GBP2: variants seen among roughly 807,000 people sequenced by gnomAD.
GBP2 encodes the protein guanylate binding protein 2.
GBP2 carries 54 observed loss-of-function variants against 60.8 expected under a neutral mutation model. The observed-to-expected ratio is 0.89, with a 90% CI of 0.71 to 1.11. GBP2 has a LOEUF of 1.11. Among genes scored for constraint, GBP2 ranks in the 50% most tolerant of loss-of-function variants. The pLI, the probability that GBP2 is intolerant of heterozygous loss-of-function variation, is 0.00. For missense variants in GBP2, 665 were observed against 703.3 expected, an observed-to-expected ratio of 0.95 and a Z score of 0.62; for synonymous variants, 243 against 256.5, an observed-to-expected ratio of 0.95 and a Z score of 0.50.
intron 3 of GBP2, among the ~76,000 whole-genome samples, chr1:89,120,686 A>T (rs1681379411): frequency 6.6e-6 from 1 of 152,214 alleles, no homozygotes. Flanking sequence ...AAGATTTATA[A>T]CAGTAGTAAT....
chr1:89,114,192 CG>C lies in GBP2; in HGVS notation c.972del (p.Ala325GlnfsTer43). On this transcript the variant is annotated frameshift_variant, in exon 7 of 11. Transcript: ENST00000370466. LOFTEE classifies it high-confidence loss of function. The stretch of plus-strand genomic sequence containing the variant: ...TAGTGGGCAATAGCCTTTTCCACTG[CG>C]GCTGAGTTCTCTATCTGGGCCAAGG... ...VLALAQIENS[A>X]AVEKAIAHYE... is the part of the protein sequence containing the mutation. The C allele has an allele frequency of 6.2e-7, 1 of 1,614,236 alleles. No homozygotes were observed. The highest frequency in any genetic ancestry group is 8.5e-7 in the Non-Finnish European group (1 of 1,180,046).
At position 89,107,670 on chromosome 1, in the gene GBP2, C is replaced by T. The variant is rs114437299; in HGVS notation, c.*505G>A. On this transcript the variant is annotated 3_prime_UTR_variant, in exon 11 of 11. Transcript: ENST00000370466. ...TTGCAGCCAGCATGCCATACAAAGACCACTTGGCAGGAGTGATGCTCTACT... is the reference window on the plus strand; with the variant it reads ...TTGCAGCCAGCATGCCATACAAAGATCACTTGGCAGGAGTGATGCTCTACT... Among the ~76,000 whole-genome samples, 3,704 of 152,276 alleles carry T rather than the reference C, an allele frequency of 0.024. 50 individuals carry two copies. The highest frequency in any genetic ancestry group is 0.065 in the Middle Eastern group (19 of 294).
chr1:89,121,044 G>A (rs1681385098), intron 3 of GBP2, 99 bp downstream of exon 3: 1 of 800,142 alleles, frequency 1.2e-6, no homozygotes, highest in South Asian at 1.8e-5. Flanking sequence ...CTAAATCAAG[G>A]AGTAGGAGTG....
chr1:89,106,823 T>G lies in GBP2; in HGVS notation c.*1352A>C, dbSNP rs1319378461. On this transcript the variant is annotated 3_prime_UTR_variant, in exon 11 of 11. Coordinates refer to ENST00000370466, the MANE Select transcript of GBP2 (RefSeq NM_004120.5). Reference sequence around the variant, plus strand: ...GATGTGAGCAGCTCAAAGATGCAACTTTTCATGGGGTAGGGGAGTATTTGT... The same window carrying G: ...GATGTGAGCAGCTCAAAGATGCAACGTTTCATGGGGTAGGGGAGTATTTGT... The G allele has an allele frequency of 6.6e-6, 1 of 152,204 alleles. No homozygotes were observed. The highest frequency in any genetic ancestry group is 1.5e-5 in the Non-Finnish European group (1 of 68,048). The allele number at this position is 152,204 out of a possible 1,614,324, so 9.4% of individuals were successfully genotyped here.
At chr1:89,116,086 C>A (rs1459551449) in intron 6 of GBP2, among the ~76,000 whole-genome samples, 2 of 152,070 alleles carry the variant, frequency 1.3e-5, no homozygotes, top group Non-Finnish European at 2.9e-5. Flanking sequence ...AGTCTCCGCT[C>A]ACTGCAACCT....
chr1:89,106,261 T>C lies in GBP2; in HGVS notation c.*1914A>G, dbSNP rs1045126617. 1.3e-5 allele frequency: 2 copies of C among 152,210 alleles called. No homozygotes were observed. Among genetic ancestry groups the C allele is most frequent in the African/African-American group, 4.8e-5 (2 of 41,456 alleles). 9.4% of individuals were successfully genotyped at this position (152,210 alleles called of 1,614,324 possible). On this transcript the variant is annotated 3_prime_UTR_variant, in exon 11 of 11. Transcript: ENST00000370466. ...GAATTGTAAGAAAGAATAAAGTTGC[T>C]TTTTGCTTTCACAGAACTAGATACA...
rs757292295 is a variant in GBP2, at chr1:89,109,754, G to T, written c.1582C>A (p.Gln528Lys). ...TCCCTCTCCATCTTCTCAGTCAATT[G>T]TTTCACATGTTCCTGATAACTCTTC... ...KEKSYQEHVKQLTEKMERDRA... is the reference protein window; with the variant it reads ...KEKSYQEHVKKLTEKMERDRA... The change falls in exon 10 of 11, where the codon CAA (glutamine) becomes AAA (lysine). Residue 528 changes from glutamine (Q) to lysine (K), a missense_variant. Gln to Lys is a moderately conservative substitution (Grantham distance 53). Coordinates refer to ENST00000370466, the MANE Select transcript of GBP2 (RefSeq NM_004120.5). 15 of 1,613,986 alleles carry T rather than the reference G, an allele frequency of 9.3e-6. No individual in the cohort carries two copies. Among genetic ancestry groups the T allele is most frequent in the Admixed American group, 3.3e-5 (2 of 60,020 alleles).
chr1:89,122,802 A>G (rs1343172773), intron 1 of GBP2, among the ~76,000 whole-genome samples: 1 of 152,198 alleles, frequency 6.6e-6, no homozygotes, highest in African/African-American at 2.4e-5. Flanking sequence ...TTCAGTCACT[A>G]TTTTTAGCAT....
chr1:89,122,096 T>A (rs1387593100), intron 1 of GBP2, 113 bp from the exon 2 acceptor site: 2 of 655,412 alleles, frequency 3.1e-6, no homozygotes, highest in Admixed American at 3.4e-5. Context: ...TTTTTTCATA[T>A]ACGTTTTTTA....
chr1:89,110,599 TGAA>T lies in GBP2; in HGVS notation c.1363-336_1363-334del, dbSNP rs1222575009. On this transcript the variant is annotated intron_variant, in intron 8 of 10. Coordinates refer to ENST00000370466, the MANE Select transcript of GBP2 (RefSeq NM_004120.5). ...TGGAACTGCAGACTATTATTCTAAG[TGAA>T]GTAACTCAGGAATGGAAAACCAAAC... Among the ~76,000 whole-genome samples the T allele has an allele frequency of 2.0e-5, 3 of 152,100 alleles. 1 individual carries two copies. The highest frequency in any genetic ancestry group is 7.2e-5 in the African/African-American group (3 of 41,392).
intron 7 of GBP2, 40 bp downstream of exon 7, chr1:89,113,976 A>T (rs749302987): frequency 1.2e-6 from 2 of 1,606,994 alleles, no homozygotes; most frequent in Admixed American, 3.4e-5. Flanking sequence ...TGAAGGGCCC[A>T]TATTTTTCTG....
Position 89,112,391 on chromosome 1 carries a change from T to G in GBP2, c.1362+81A>C, listed in dbSNP as rs116393633. 3.3e-3 allele frequency: 3,829 copies of G among 1,159,956 alleles called. 85 individuals carry two copies. The African/African-American group carries it at 0.052, about 16-fold the overall frequency. 71.9% of individuals were successfully genotyped at this position (1,159,956 alleles called of 1,614,324 possible). A position where few individuals can be genotyped will look rare whatever the true frequency, so the allele number is the denominator to read the frequency against. ...CAGAGGCCCTAGGCACCAGTTGCAG[T>G]GCCATTTACCTTCTTCCCAGTGGGC... On this transcript the variant is annotated intron_variant, in intron 8 of 10. Coordinates refer to ENST00000370466, the MANE Select transcript of GBP2 (RefSeq NM_004120.5).
intron 3 of GBP2, 133 bp from the exon 4 acceptor site, chr1:89,120,421 T>C: frequency 4.3e-6 from 3 of 694,136 alleles, no homozygotes; most frequent in South Asian, 3.3e-5. Context: ...CACTTCCTTA[T>C]GCAGTATTTT....
Position 89,117,673 on chromosome 1 carries a change from C to A in GBP2, c.529G>T (p.Val177Leu), listed in dbSNP as rs1681306825. Residue 177 changes from valine (V) to leucine (L), a missense_variant, in exon 5 of 11, where the codon GTG (valine) becomes TTG (leucine). Val to Leu is a conservative substitution (Grantham distance 32, BLOSUM62 1). Transcript: ENST00000370466. ...ADFVSFFPAF[V>L]WTLRDFTLEL... is the part of the protein sequence containing the mutation. ...AGGGTGAAATCTCTGAGAGTCCACA[C>A]AAATGCTGGAAAAAAGCTCACAAAG... 2 of 1,613,950 alleles carry A rather than the reference C, an allele frequency of 1.2e-6. No homozygotes were observed. The highest frequency in any genetic ancestry group is 1.3e-5 in the African/African-American group (1 of 74,926).
At chr1:89,119,315 G>A (rs1047097669) in intron 4 of GBP2, 1 of 152,180 alleles carries the variant, frequency 6.6e-6, no homozygotes, top group Admixed American at 6.5e-5. Flanking sequence ...CAAATGAGGT[G>A]AGAACTGTGC....
chr1:89,107,676 G>T lies in GBP2; in HGVS notation c.*499C>A, dbSNP rs1681081845. 6.6e-6 allele frequency among the ~76,000 whole-genome samples: 1 copy of T among 152,182 alleles called. No homozygotes were observed. Among genetic ancestry groups the T allele is most frequent in the Non-Finnish European group, 1.5e-5 (1 of 68,040 alleles). ...CCAGCATGCCATACAAAGACCACTT[G>T]GCAGGAGTGATGCTCTACTGTGCCC... On this transcript the variant is annotated 3_prime_UTR_variant, in exon 11 of 11. Transcript: ENST00000370466.
intron 8 of GBP2, 82 bp downstream of exon 8, chr1:89,112,390 G>A: frequency 8.7e-7 from 1 of 1,154,010 alleles, no homozygotes; most frequent in Non-Finnish European, 1.3e-6. Context: ...ACCAGTTGCA[G>A]TGCCATTTAC....
rs1392613612 is a variant in GBP2, at chr1:89,125,899, G to C, written c.-54C>G. On this transcript the variant is annotated 5_prime_UTR_variant, in exon 1 of 11. Coordinates refer to ENST00000370466, the MANE Select transcript of GBP2 (RefSeq NM_004120.5). ...ATCCTTTAGCACTGGAAAGAAGGTTGTTCCAATGTGAAAGTCGAGTCCTTT... is the reference window on the plus strand; with the variant it reads ...ATCCTTTAGCACTGGAAAGAAGGTTCTTCCAATGTGAAAGTCGAGTCCTTT... 1 of 152,276 alleles carries C rather than the reference G, an allele frequency of 6.6e-6. No individual in the cohort carries two copies. Among genetic ancestry groups the C allele is most frequent in the Non-Finnish European group, 1.5e-5 (1 of 68,070 alleles). The allele number at this position is 152,276 out of a possible 1,614,324, so 9.4% of individuals were successfully genotyped here.
At chr1:89,113,261 A>G (rs1381318133) in intron 7 of GBP2, among the ~76,000 whole-genome samples, 1 of 152,246 alleles carries the variant, frequency 6.6e-6, no homozygotes, top group East Asian at 1.9e-4. Context: ...TTCTCAGCAT[A>G]GGGCTAATGA....
Sources: gnomAD v4.1 joint callset for allele counts (sites outside exome capture counted in the v4.1 genomes callset) on GRCh38, gnomAD v4.1.1 for gene constraint, MANE v1.5 for transcripts, NCBI Gene and HGNC (gene_info 2026-07-23, HGNC 2026-07-21) for gene names.